PDLIM5: variants seen among roughly 807,000 people sequenced by gnomAD.
The protein encoded by PDLIM5 is PDZ and LIM domain 5, also known as PDZ and LIM domain protein 5.
A neutral mutation model predicts 64.2 loss-of-function variants in PDLIM5; 34 were observed. The observed-to-expected ratio is 0.53, with a 90% confidence interval of 0.40 to 0.71. The LOEUF (loss-of-function observed/expected upper bound fraction) is 0.71, where lower values mean the gene tolerates loss of function less well. Ranked by LOEUF, PDLIM5 falls within the 30% of genes least tolerant of loss-of-function variation. The pLI, the probability that PDLIM5 is intolerant of heterozygous loss-of-function variation, is 0.00. For missense variants in PDLIM5, 683 were observed against 733.6 expected (o/e 0.93, Z 0.80); for synonymous variants, 253 against 269.1 (o/e 0.94, Z 0.59).
chr4:94,639,661 T>A (rs1215703531), intron 8 of PDLIM5, among the ~76,000 whole-genome samples: 1 of 152,218 alleles, frequency 6.6e-6, no homozygotes, highest in East Asian at 1.9e-4. Context: ...TTTGTTATCT[T>A]CAATACATTG....
At chr4:94,587,465 C>T (rs1474722688) in intron 7 of PDLIM5, 1 of 828,714 alleles carries the variant, frequency 1.2e-6, no homozygotes. Flanking sequence ...TTGGAAAATA[C>T]TTTCTTTATA....
In PDLIM5 at chr4:94,618,058, C is replaced by A. The variant is rs755851150; in HGVS notation, c.975C>A (p.Ser325Arg). The A allele has an allele frequency of 1.4e-5, 22 of 1,609,502 alleles. No individual in the cohort carries two copies. Reference protein sequence around the residue: ...QLASSVASTRSMPESLDSPTS... With the variant: ...QLASSVASTRRMPESLDSPTS... ...CTTCCTCGGTAGCTTCCACACGGAG[C>A]ATGCCCGAGAGCCTGGACAGCCCAA... is the stretch of plus-strand genomic sequence containing the variant. Residue 325 changes from serine (S) to arginine (R), a missense_variant, in exon 8 of 13, where the codon AGC (serine) becomes AGA (arginine). Transcript: ENST00000317968.
chr4:94,627,542 A>G (rs1320019746), intron 8 of PDLIM5, among the ~76,000 whole-genome samples: 1 of 152,228 alleles, frequency 6.6e-6, no homozygotes, highest in Non-Finnish European at 1.5e-5. Flanking sequence ...AGTTTGGCAA[A>G]TGGTGTTCCT....
chr4:94,563,171 G>A (rs971667155), intron 3 of PDLIM5, among the ~76,000 whole-genome samples: 22 of 152,094 alleles, frequency 1.4e-4, no homozygotes, highest in South Asian at 2.1e-4. Context: ...TGGCTTTTAA[G>A]TTCCTATTTT....
At chr4:94,633,019 G>GA (rs950676883) in intron 8 of PDLIM5, among the ~76,000 whole-genome samples, 5 of 152,002 alleles carry the variant, frequency 3.3e-5, no homozygotes, top group Non-Finnish European at 7.4e-5. Context: ...CAGATAATCA[G>GA]AAAAAAATTG....
intron 3 of PDLIM5, among the ~76,000 whole-genome samples, chr4:94,538,497 A>T (rs1484764436): frequency 2.6e-5 from 4 of 152,170 alleles, no homozygotes; most frequent in African/African-American, 9.6e-5. Flanking sequence ...GGGAAGGAAG[A>T]ACAGATTGGT....
chr4:94,604,741 C>T (rs111914713), intron 7 of PDLIM5, among the ~76,000 whole-genome samples: 1,754 of 152,140 alleles, frequency 0.012, 32 homozygotes, highest in African/African-American at 0.04. Flanking sequence ...TATAGAGTTT[C>T]GAATATGCAA....
At chr4:94,621,839 A>G (rs976543408) in intron 8 of PDLIM5, among the ~76,000 whole-genome samples, 1 of 152,238 alleles carries the variant, frequency 6.6e-6, no homozygotes, top group Non-Finnish European at 1.5e-5. Context: ...TGAATTTTAT[A>G]TGAGCAAAAC....
intron 8 of PDLIM5, among the ~76,000 whole-genome samples, chr4:94,626,009 A>G (rs1739665373): frequency 1.3e-5 from 2 of 152,238 alleles, no homozygotes; most frequent in Non-Finnish European, 2.9e-5. Flanking sequence ...GAAGCATGAT[A>G]CAAGTAAGCT....
At chr4:94,567,139 C>CT (rs1268821338) in intron 3 of PDLIM5, among the ~76,000 whole-genome samples, 17 of 152,268 alleles carry the variant, frequency 1.1e-4, no homozygotes, top group South Asian at 2.1e-4. Flanking sequence ...ACTACAGGCG[C>CT]CCGCCACCAC....
At chr4:94,585,086 GT>G (rs1243726801) in intron 5 of PDLIM5, 23 of 752,116 alleles carry the variant, frequency 3.1e-5, no homozygotes, top group Admixed American at 1.2e-4. Context: ...AATTTAAAAG[GT>G]TTTTTTGTTT....
At chr4:94,545,639 A>G (rs1320788248) in intron 3 of PDLIM5, among the ~76,000 whole-genome samples, 1 of 152,196 alleles carries the variant, frequency 6.6e-6, no homozygotes, top group African/African-American at 2.4e-5. Flanking sequence ...CCAATTTTGA[A>G]TAATATTTCC....
At chr4:94,567,153 T>C (rs2201092) in intron 3 of PDLIM5, among the ~76,000 whole-genome samples, 101,508 of 152,058 alleles carry the variant, frequency 0.67, 35,713 homozygotes, top group African/African-American at 0.91. Flanking sequence ...CCACCACACC[T>C]GGCTAATTTT....
At chr4:94,641,120 C>T (rs1345358613) in intron 9 of PDLIM5, among the ~76,000 whole-genome samples, 1 of 152,134 alleles carries the variant, frequency 6.6e-6, no homozygotes, top group Non-Finnish European at 1.5e-5. Context: ...GGTGTAGGCA[C>T]CAGTGCTGAT....
In PDLIM5 at chr4:94,653,696, A is replaced by G. The variant is rs114823117; in HGVS notation, c.1284-764A>G. The stretch of plus-strand genomic sequence containing the variant: ...ATAAGTTCTAGAGATCTGCTGTACA[A>G]CATTGTGCCCATAATTAACAATACT... On this transcript the variant is annotated intron_variant, in intron 9 of 12. Coordinates refer to ENST00000317968, the MANE Select transcript of PDLIM5 (RefSeq NM_006457.5). 9.0e-3 allele frequency among the ~76,000 whole-genome samples: 1,364 copies of G among 152,298 alleles called. 20 individuals carry two copies. The highest frequency in any genetic ancestry group is 0.03 in the African/African-American group (1,235 of 41,548).
At chr4:94,569,303 C>G (rs1323265425) in intron 3 of PDLIM5, among the ~76,000 whole-genome samples, 2 of 150,854 alleles carry the variant, frequency 1.3e-5, no homozygotes, top group Non-Finnish European at 2.9e-5. Context: ...TTGATAAAGT[C>G]ATTTTACCCC....
In PDLIM5 at chr4:94,667,925, G is replaced by C. The variant is rs534340557; in HGVS notation, c.*3858G>C. ...TTTGGAGTTTGTCATCCCCATTGAAGGGAGAGCCTTCTCAGACATGAAGCA... is the reference window on the plus strand; with the variant it reads ...TTTGGAGTTTGTCATCCCCATTGAACGGAGAGCCTTCTCAGACATGAAGCA... On this transcript the variant is annotated 3_prime_UTR_variant, in exon 13 of 13. Transcript: ENST00000317968. 1 of 152,188 alleles carries C rather than the reference G, an allele frequency of 6.6e-6. No individual in the cohort carries two copies. Among genetic ancestry groups the C allele is most frequent in the South Asian group, 2.1e-4 (1 of 4,806 alleles). The allele number at this position is 152,188 out of a possible 1,614,324, so 9.4% of individuals were successfully genotyped here.
intron 12 of PDLIM5, among the ~76,000 whole-genome samples, chr4:94,662,928 T>C (rs1350888309): frequency 2.0e-5 from 3 of 152,104 alleles, no homozygotes. Flanking sequence ...GCTATTGGAT[T>C]AACACTGGGA....
Position 94,618,072 on chromosome 4 carries a change from T to C in PDLIM5, c.989T>C (p.Leu330Pro), listed in dbSNP as rs2110395855. 6.2e-7 allele frequency: 1 copy of C among 1,611,990 alleles called. No individual in the cohort carries two copies. The highest frequency in any genetic ancestry group is 8.5e-7 in the Non-Finnish European group (1 of 1,179,034). ...TCCACACGGAGCATGCCCGAGAGCC[T>C]GGACAGCCCAACCTCTGGCAGACCA... ...VASTRSMPES[L>P]DSPTSGRPGV... Residue 330 changes from leucine to proline, a missense_variant, in exon 8 of 13, where the codon CTG becomes CCG. By Grantham distance (98) the Leu-to-Pro change is moderately conservative. Transcript: ENST00000317968.
Sources: gnomAD v4.1 joint callset for allele counts (sites outside exome capture counted in the v4.1 genomes callset) on GRCh38, gnomAD v4.1.1 for gene constraint, MANE v1.5 for transcripts, NCBI Gene and HGNC (gene_info 2026-07-23, HGNC 2026-07-21) for gene names.